BCL2: variants seen among roughly 807,000 people sequenced by gnomAD.
BCL2 encodes the protein apoptosis regulator Bcl-2.
Under a neutral mutation model 14.2 loss-of-function variants are expected in BCL2, and 1 was observed. The ratio of observed to expected loss-of-function variants is 0.07; its 90% CI spans 0.02 to 0.33. The LOEUF (loss-of-function observed/expected upper bound fraction) is 0.33. Among genes scored for constraint, BCL2 ranks in the 10% least tolerant of loss-of-function variants. The probability of loss-of-function intolerance (pLI) is 0.99; values close to 1 mark genes in which losing one functional copy is unlikely to be tolerated. For synonymous variants in BCL2, 151 were observed against 137.2 expected, an observed-to-expected ratio of 1.10 and a Z score of -0.70; for missense variants, 247 against 305.9, an observed-to-expected ratio of 0.81 and a Z score of 1.44.
chr18:63,287,739 G>A (rs1912516609), intron 2 of BCL2, among the ~76,000 whole-genome samples: 1 of 152,176 alleles, frequency 6.6e-6, no homozygotes, highest in Non-Finnish European at 1.5e-5. Flanking sequence ...TAGAGCAGCA[G>A]CAGCAGCAGG....
chr18:63,154,765 G>C (rs950641066), intron 2 of BCL2, among the ~76,000 whole-genome samples: 1 of 152,102 alleles, frequency 6.6e-6, no homozygotes, highest in African/African-American at 2.4e-5. Context: ...TCTCCTCCTT[G>C]GGGGCACTGG....
intron 2 of BCL2, among the ~76,000 whole-genome samples, chr18:63,140,680 C>T (rs1373327398): frequency 2.6e-5 from 4 of 151,916 alleles, no homozygotes; most frequent in Non-Finnish European, 5.9e-5. Context: ...CTAATGGGTA[C>T]AGGGCTTCTT....
chr18:63,153,451 C>G (rs572599734), intron 2 of BCL2, among the ~76,000 whole-genome samples: 7 of 152,208 alleles, frequency 4.6e-5, no homozygotes, highest in African/African-American at 1.4e-4. Context: ...ACAGAAAATG[C>G]ATATATGAAA....
At chr18:63,248,890 A>C (rs1911226763) in intron 2 of BCL2, among the ~76,000 whole-genome samples, 1 of 152,182 alleles carries the variant, frequency 6.6e-6, no homozygotes. Context: ...ATTGTACCTC[A>C]TTCTTGGTTT....
At chr18:63,295,502 G>A (rs527777069) in intron 2 of BCL2, among the ~76,000 whole-genome samples, 32 of 152,180 alleles carry the variant, frequency 2.1e-4, no homozygotes, top group African/African-American at 7.5e-4. Context: ...TCTGGCCTTC[G>A]AAACTCATAG....
intron 2 of BCL2, among the ~76,000 whole-genome samples, chr18:63,193,582 A>ATGCG (rs1909350177): frequency 7.2e-6 from 1 of 139,364 alleles, no homozygotes; most frequent in Non-Finnish European, 1.6e-5. Flanking sequence ...AGTAGTATGT[A>ATGCG]TGTGTGTGTG....
At chr18:63,243,552 A>C (rs1488704568) in intron 2 of BCL2, among the ~76,000 whole-genome samples, 1 of 152,200 alleles carries the variant, frequency 6.6e-6, no homozygotes, top group Non-Finnish European at 1.5e-5. Context: ...AACATTAAAA[A>C]ATTCACCAGC....
chr18:63,233,020 G>A (rs1568241515), intron 2 of BCL2, among the ~76,000 whole-genome samples: 1 of 152,210 alleles, frequency 6.6e-6, no homozygotes, highest in Non-Finnish European at 1.5e-5. Flanking sequence ...CAAGGAGCCA[G>A]CAGATGTGGT....
At chr18:63,248,208 A>G (rs1227728281) in intron 2 of BCL2, among the ~76,000 whole-genome samples, 1 of 151,946 alleles carries the variant, frequency 6.6e-6, no homozygotes, top group African/African-American at 2.4e-5. Context: ...AAGGCCTAAC[A>G]GGCAGAAAAA....
chr18:63,280,712 G>A (rs1033860315), intron 2 of BCL2, among the ~76,000 whole-genome samples: 4 of 152,184 alleles, frequency 2.6e-5, no homozygotes, highest in African/African-American at 9.7e-5. Flanking sequence ...AGAGCAGCTG[G>A]AACCCTTGTA....
At chr18:63,203,055 C>T (rs1909743341) in intron 2 of BCL2, among the ~76,000 whole-genome samples, 1 of 152,222 alleles carries the variant, frequency 6.6e-6, no homozygotes, top group Non-Finnish European at 1.5e-5. Context: ...GGAAAACAGG[C>T]TGCCCTTGAG....
At chr18:63,261,752 A>T (rs2144225160) in intron 2 of BCL2, among the ~76,000 whole-genome samples, 1 of 152,138 alleles carries the variant, frequency 6.6e-6, no homozygotes, top group African/African-American at 2.4e-5. Context: ...CTAAAGAGTA[A>T]AGCACATATA....
intron 2 of BCL2, among the ~76,000 whole-genome samples, chr18:63,132,661 G>C (rs979078841): frequency 2.6e-5 from 4 of 152,144 alleles, no homozygotes; most frequent in African/African-American, 9.7e-5. Context: ...AAGTGCAAAG[G>C]AGACCCTGCG....
intron 2 of BCL2, among the ~76,000 whole-genome samples, chr18:63,160,770 C>T (rs895031248): frequency 1.0e-4 from 14 of 136,152 alleles, no homozygotes; most frequent in African/African-American, 2.6e-4. Context: ...GGGATGGGGG[C>T]GGGGCTGCGA....
intron 2 of BCL2, among the ~76,000 whole-genome samples, chr18:63,277,561 G>A (rs1377230773): frequency 1.3e-5 from 2 of 149,884 alleles, no homozygotes; most frequent in African/African-American, 4.9e-5. Flanking sequence ...GGGTGACAGA[G>A]GGAGATCATG....
At chr18:63,192,678 G>A (rs918554941) in intron 2 of BCL2, among the ~76,000 whole-genome samples, 2 of 151,988 alleles carry the variant, frequency 1.3e-5, no homozygotes, top group Non-Finnish European at 2.9e-5. Flanking sequence ...CACGGCCACA[G>A]CACTTGCCAT....
At chr18:63,141,031 T>G (rs1250134308) in intron 2 of BCL2, among the ~76,000 whole-genome samples, 1 of 152,208 alleles carries the variant, frequency 6.6e-6, no homozygotes, top group African/African-American at 2.4e-5. Context: ...GTTTGTGTTC[T>G]GGATGAGAAG....
At chr18:63,258,688 G>C (rs916191852) in intron 2 of BCL2, among the ~76,000 whole-genome samples, 3 of 152,192 alleles carry the variant, frequency 2.0e-5, no homozygotes, top group Non-Finnish European at 4.4e-5. Flanking sequence ...CCGGCTTCAG[G>C]GGGAGCAGAG....
At chr18:63,242,663 A>C (rs1025812434) in intron 2 of BCL2, among the ~76,000 whole-genome samples, 20 of 152,302 alleles carry the variant, frequency 1.3e-4, no homozygotes, top group African/African-American at 4.6e-4. Flanking sequence ...CCCCTGCCAC[A>C]AAACAAGGAG....
Sources: allele counts gnomAD v4.1 joint callset (sites outside exome capture counted in the v4.1 genomes callset), GRCh38; gene constraint gnomAD v4.1.1; transcripts MANE v1.5; gene names NCBI Gene and HGNC (gene_info 2026-07-23, HGNC 2026-07-21).